FHIT: variants seen among roughly 807,000 people sequenced by gnomAD.
FHIT encodes the protein fragile histidine triad diadenosine triphosphatase.
A neutral mutation model predicts 17.9 loss-of-function variants in FHIT; 19 were observed. The observed-to-expected ratio is 1.06, with a 90% CI of 0.74 to 1.56. The LOEUF is 1.56. Among genes scored for constraint, FHIT ranks in the 40% most tolerant of loss-of-function variants. FHIT has a pLI of 0.00. For synonymous variants in FHIT, 81 were observed against 69.7 expected (o/e 1.16, Z -0.81); for missense variants, 248 against 189.2 (o/e 1.31, Z -1.82).
At position 60,559,496 on chromosome 3, in the gene FHIT, T is replaced by C. The variant is rs959696031; in HGVS notation, c.-17-22517A>G. 2.0e-5 allele frequency among the ~76,000 whole-genome samples: 3 copies of C among 152,336 alleles called. No homozygotes were observed. In the East Asian group the frequency reaches 5.8e-4, roughly 29 times the overall value. On this transcript the variant is annotated intron_variant, in intron 4 of 9. Coordinates refer to ENST00000492590, the MANE Select transcript of FHIT (RefSeq NM_002012.4). ...GCCTTGATGCACTTTTCCAGCACTTTCTCATTTAATAAGGTTTTTATTATT... is the reference window on the plus strand; with the variant it reads ...GCCTTGATGCACTTTTCCAGCACTTCCTCATTTAATAAGGTTTTTATTATT...
chr3:60,256,251 G>C (rs1183426842), intron 5 of FHIT, among the ~76,000 whole-genome samples: 8 of 151,968 alleles, frequency 5.3e-5, no homozygotes, highest in Non-Finnish European at 8.8e-5. Context: ...CCTCTTCCTG[G>C]CCTCCATATG....
chr3:60,156,739 A>G (rs1238507328), intron 5 of FHIT, among the ~76,000 whole-genome samples: 1 of 152,182 alleles, frequency 6.6e-6, no homozygotes, highest in Non-Finnish European at 1.5e-5. Flanking sequence ...CAATGGAGTG[A>G]GACCCTGTCT....
chr3:60,824,533 T>C (rs1702045824), intron 3 of FHIT, among the ~76,000 whole-genome samples: 1 of 152,106 alleles, frequency 6.6e-6, no homozygotes, highest in African/African-American at 2.4e-5. Flanking sequence ...TTTTTTAAAA[T>C]CATGATTCAA....
intron 5 of FHIT, among the ~76,000 whole-genome samples, chr3:60,223,217 G>A (rs546030693): frequency 1.7e-4 from 26 of 152,232 alleles, no homozygotes; most frequent in African/African-American, 5.8e-4. Context: ...GTGGTGTCAT[G>A]CTCTGTGCTT....
chr3:60,137,030 CA>C (rs1194401882), intron 5 of FHIT, among the ~76,000 whole-genome samples: 1 of 152,100 alleles, frequency 6.6e-6, no homozygotes, highest in Non-Finnish European at 1.5e-5. Flanking sequence ...TTGGCATTAG[CA>C]TGAATACCTC....
At chr3:59,926,479 G>A (rs769199504) in intron 7 of FHIT, among the ~76,000 whole-genome samples, 10 of 152,184 alleles carry the variant, frequency 6.6e-5, no homozygotes, top group Non-Finnish European at 1.3e-4. Context: ...TAAGTGTCCT[G>A]AAGAAAAACA....
At chr3:60,322,276 GT>G (rs1709468706) in intron 5 of FHIT, among the ~76,000 whole-genome samples, 2 of 152,150 alleles carry the variant, frequency 1.3e-5, no homozygotes, top group African/African-American at 2.4e-5. Context: ...CATCACATTG[GT>G]TTTATAAATA....
chr3:59,974,720 A>T (rs1196811990), intron 7 of FHIT, among the ~76,000 whole-genome samples: 1 of 152,022 alleles, frequency 6.6e-6, no homozygotes, highest in Non-Finnish European at 1.5e-5. Context: ...AAATCACAAA[A>T]CTCACACTAT....
At chr3:60,142,860 A>G (rs1379759060) in intron 5 of FHIT, among the ~76,000 whole-genome samples, 1 of 152,114 alleles carries the variant, frequency 6.6e-6, no homozygotes. Context: ...AGACAAAAAT[A>G]TAACTCAACT....
chr3:60,649,072 G>A (rs2039930910), intron 4 of FHIT, among the ~76,000 whole-genome samples: 1 of 152,128 alleles, frequency 6.6e-6, no homozygotes, highest in Non-Finnish European at 1.5e-5. Flanking sequence ...TTGAGAAATG[G>A]TTGAAGAACA....
chr3:61,028,902 A>G (rs1180760263), intron 3 of FHIT, among the ~76,000 whole-genome samples: 2 of 137,260 alleles, frequency 1.5e-5, no homozygotes, highest in African/African-American at 5.9e-5. Context: ...AAAAAAAAAG[A>G]AAAAAAAAAA....
chr3:59,957,717 G>T (rs1363834963), intron 7 of FHIT, among the ~76,000 whole-genome samples: 2 of 152,210 alleles, frequency 1.3e-5, no homozygotes, highest in East Asian at 3.9e-4. Flanking sequence ...GAAGTGAAAT[G>T]TGATTAGCTA....
chr3:60,367,432 G>A (rs1700155034), intron 5 of FHIT, among the ~76,000 whole-genome samples: 1 of 152,220 alleles, frequency 6.6e-6, no homozygotes, highest in East Asian at 1.9e-4. Flanking sequence ...GGGAGTTTTT[G>A]CTAATTTTGC....
chr3:60,737,109 C>T (rs1243239686), intron 4 of FHIT, among the ~76,000 whole-genome samples: 1 of 152,210 alleles, frequency 6.6e-6, no homozygotes, highest in Non-Finnish European at 1.5e-5. Context: ...AGGTTAACAG[C>T]ATGCAACATA....
At chr3:59,764,361 A>G (rs1701686662) in intron 8 of FHIT, among the ~76,000 whole-genome samples, 1 of 152,184 alleles carries the variant, frequency 6.6e-6, no homozygotes, top group Admixed American at 6.5e-5. Flanking sequence ...AAAATGACTA[A>G]TATGAAAATC....
At chr3:60,182,993 C>T (rs1337282096) in intron 5 of FHIT, among the ~76,000 whole-genome samples, 1 of 151,944 alleles carries the variant, frequency 6.6e-6, no homozygotes, top group Non-Finnish European at 1.5e-5. Context: ...GACAACTCCC[C>T]CTCTGCCCAT....
chr3:60,896,186 G>A (rs1314744933), intron 3 of FHIT, among the ~76,000 whole-genome samples: 4 of 152,050 alleles, frequency 2.6e-5, no homozygotes, highest in Non-Finnish European at 2.9e-5. Flanking sequence ...CCCTGCCACC[G>A]ATGGAAAAAT....
intron 5 of FHIT, among the ~76,000 whole-genome samples, chr3:60,497,452 A>C (rs1214493104): frequency 6.6e-6 from 1 of 152,236 alleles, no homozygotes; most frequent in Non-Finnish European, 1.5e-5. Flanking sequence ...TTCTGCAAAC[A>C]AACACAGTTA....
In FHIT at chr3:60,754,213, G is replaced by A. The variant is rs191256473; in HGVS notation, c.-18+67706C>T. Among the ~76,000 whole-genome samples the A allele has an allele frequency of 5.7e-4, 87 of 152,142 alleles. 1 individual carries two copies. The highest frequency in any genetic ancestry group is 1.8e-3 in the African/African-American group (73 of 41,506). On this transcript the variant is annotated intron_variant, in intron 4 of 9. Transcript: ENST00000492590. Reference sequence around the variant, plus strand: ...CTGTACCCACTTTGCACTCTTTCTCGGCCCCCTGCCTGTTAGTGAAAGGCC... The same window carrying A: ...CTGTACCCACTTTGCACTCTTTCTCAGCCCCCTGCCTGTTAGTGAAAGGCC...
Sources: allele counts gnomAD v4.1 joint callset (sites outside exome capture counted in the v4.1 genomes callset), GRCh38; gene constraint gnomAD v4.1.1; transcripts MANE v1.5; gene names NCBI Gene and HGNC (gene_info 2026-07-23, HGNC 2026-07-21).